Variants in DIP2B observed in about 807,000 individuals in gnomAD.
The protein encoded by DIP2B is DIP2 acetate--CoA ligase B (putative).
Under a neutral mutation model 198.0 loss-of-function variants are expected in DIP2B, and 76 were observed. That is an observed-to-expected ratio of 0.38 (90% CI 0.32 to 0.46). DIP2B has a LOEUF of 0.46. Ranked by LOEUF, DIP2B falls within the 20% of genes least tolerant of loss-of-function variation. DIP2B has a pLI of 0.99. For synonymous variants in DIP2B, 701 were observed against 739.1 expected (o/e 0.95, Z 0.84); for missense variants, 1,559 against 1,978.4 (o/e 0.79, Z 4.02).
Position 50,741,406 on chromosome 12 carries a change from T to G in DIP2B, c.4355-10T>G, listed in dbSNP as rs372698618. 3.7e-5 allele frequency: 60 copies of G among 1,613,098 alleles called. No individual in the cohort carries two copies. Among genetic ancestry groups the G allele is most frequent in the Admixed American group, 6.7e-5 (4 of 59,990 alleles). ...TCCAAGCCACATTTCTCTCTTTTTC[T>G]TTCTGTCAGAGCGTCATGATGCATT... On this transcript the variant is annotated splice_polypyrimidine_tract_variant and intron_variant, in intron 36 of 37. Coordinates refer to ENST00000301180, the MANE Select transcript of DIP2B (RefSeq NM_173602.3).
chr12:50,528,862 C>G (rs1483566771), intron 1 of DIP2B, among the ~76,000 whole-genome samples: 1 of 152,046 alleles, frequency 6.6e-6, no homozygotes. Context: ...TTGCTGCAAA[C>G]AAAAGAATGG....
Position 50,716,958 on chromosome 12 carries a change from C to CTTTTTTTTTTTTTTTTTTTTTTTTTTTT in DIP2B, c.2852-1728_2852-1727insTTTTTTTTTTTTTTTTTTTTTTTTTTTT, listed in dbSNP as rs4026694. Among the ~76,000 whole-genome samples, 67 of 58,936 alleles carry CTTTTTTTTTTTTTTTTTTTTTTTTTTTT rather than the reference C, an allele frequency of 1.1e-3. 17 individuals carry two copies. Among genetic ancestry groups the CTTTTTTTTTTTTTTTTTTTTTTTTTTTT allele is most frequent in the East Asian group, 2.3e-3 (3 of 1,298 alleles). The allele number at this position is 58,936 out of a possible 152,430, so 38.7% of individuals were successfully genotyped here. A position where few individuals can be genotyped will look rare whatever the true frequency, so the allele number is the denominator to read the frequency against. On this transcript the variant is annotated intron_variant, in intron 23 of 37. Transcript: ENST00000301180. The stretch of plus-strand genomic sequence containing the variant: ...CCTATCCTAGATTTACGAATTGTTG[C>CTTTTTTTTTTTTTTTTTTTTTTTTTTTT]TTTTTTTTTTTTTTTTTTTTTTTGA...
At chr12:50,588,297 A>T (rs535672108) in intron 1 of DIP2B, among the ~76,000 whole-genome samples, 1 of 152,102 alleles carries the variant, frequency 6.6e-6, no homozygotes, top group African/African-American at 2.4e-5. Flanking sequence ...GATTACAGGC[A>T]TGTGCTACCA....
At chr12:50,706,928 A>T (rs1939524375) in intron 21 of DIP2B, among the ~76,000 whole-genome samples, 1 of 152,082 alleles carries the variant, frequency 6.6e-6, no homozygotes, top group African/African-American at 2.4e-5. Flanking sequence ...TTAACTTCAG[A>T]TTTGTTGAAT....
chr12:50,571,548 GT>G (rs71083600), intron 1 of DIP2B, among the ~76,000 whole-genome samples: 1,325 of 85,740 alleles, frequency 0.015, 13 homozygotes, highest in African/African-American at 0.062. Flanking sequence ...AAACCTAGGC[GT>G]TTTTTTTTTT....
rs1233108681 is a variant in DIP2B, at chr12:50,678,791, G to T, written c.1029G>T (p.Leu343=). The change falls in exon 8 of 38, where the codon CTG becomes CTT. Residue 343 remains leucine, a synonymous_variant. Transcript: ENST00000301180. Reference sequence around the variant, plus strand: ...GGCCTCCTGCTCTTGAATCTGCCCTGCAGCGCTGGGGTACCACTCAAGCAA... The same window carrying T: ...GGCCTCCTGCTCTTGAATCTGCCCTTCAGCGCTGGGGTACCACTCAAGCAA... The part of the protein sequence containing the change: ...CNWPPALESA[L]QRWGTTQAKC... 1 of 1,614,072 alleles carries T rather than the reference G, an allele frequency of 6.2e-7. No homozygotes were observed. The highest frequency in any genetic ancestry group is 8.5e-7 in the Non-Finnish European group (1 of 1,180,040).
chr12:50,574,291 C>A (rs1958639308), intron 1 of DIP2B, among the ~76,000 whole-genome samples: 1 of 152,132 alleles, frequency 6.6e-6, no homozygotes, highest in Non-Finnish European at 1.5e-5. Flanking sequence ...TAAATAGCAC[C>A]TCTCTTCTCC....
At position 50,544,784 on chromosome 12, in the gene DIP2B, A is replaced by AT. The variant is rs551393375; in HGVS notation, c.100+39550dup. Among the ~76,000 whole-genome samples, 1,203 of 151,666 alleles carry AT rather than the reference A, an allele frequency of 7.9e-3. 4 individuals are homozygous for AT. The highest frequency in any genetic ancestry group is 0.011 in the Non-Finnish European group (766 of 67,928). On this transcript the variant is annotated intron_variant, in intron 1 of 37. Transcript: ENST00000301180. ...AGGTGCGTGCCACCACGCCCGGCTAATTTTTTGTATTTTTAGTAGAGAAGG... is the reference window on the plus strand; with the variant it reads ...AGGTGCGTGCCACCACGCCCGGCTAATTTTTTTGTATTTTTAGTAGAGAAGG...
chr12:50,696,056 C>T, intron 16 of DIP2B, 89 bp downstream of exon 16: 1 of 1,548,580 alleles, frequency 6.5e-7, no homozygotes, highest in Non-Finnish European at 8.8e-7. Flanking sequence ...AATTCACATA[C>T]TGAAAAACTC....
chr12:50,638,034 C>T (rs10876074), intron 2 of DIP2B, among the ~76,000 whole-genome samples: 17 of 151,978 alleles, frequency 1.1e-4, no homozygotes, highest in Admixed American at 3.3e-4. Flanking sequence ...TTTATTGTTA[C>T]TAAACCTTTT....
In DIP2B at chr12:50,513,873, CA is replaced by C. The variant is rs58479646; in HGVS notation, c.100+8649del. Among the ~76,000 whole-genome samples the C allele has an allele frequency of 3.1e-3, 400 of 127,072 alleles. 1 individual carries two copies. Among genetic ancestry groups the C allele is most frequent in the African/African-American group, 8.7e-3 (289 of 33,098 alleles). The allele number at this position is 127,072 out of a possible 152,430, so 83.4% of individuals were successfully genotyped here. On this transcript the variant is annotated intron_variant, in intron 1 of 37. Coordinates refer to ENST00000301180, the MANE Select transcript of DIP2B (RefSeq NM_173602.3). ...TGGGAGATAGAGTGGGACTCCGTCTCAAAAAAAAAAAAAAAAGTGTTCTTGA... is the reference window on the plus strand; with the variant it reads ...TGGGAGATAGAGTGGGACTCCGTCTCAAAAAAAAAAAAAAAGTGTTCTTGA...
At chr12:50,553,200 AGTTTTCCCAGAACCATTTGTT>A (rs1958442016) in intron 1 of DIP2B, among the ~76,000 whole-genome samples, 1 of 152,222 alleles carries the variant, frequency 6.6e-6, no homozygotes, top group Non-Finnish European at 1.5e-5. Flanking sequence ...GTGGATGTCC[AGTTTTCCCAGAACCATTTGTT>A]GAAGAGACTG....
At chr12:50,618,174 T>A (rs1372505761) in intron 1 of DIP2B, among the ~76,000 whole-genome samples, 1 of 152,202 alleles carries the variant, frequency 6.6e-6, no homozygotes, top group Non-Finnish European at 1.5e-5. Context: ...TTTTGAAAAG[T>A]TAAAGAATAA....
At chr12:50,615,043 C>T (rs1249086480) in intron 1 of DIP2B, among the ~76,000 whole-genome samples, 1 of 152,138 alleles carries the variant, frequency 6.6e-6, no homozygotes, top group East Asian at 1.9e-4. Flanking sequence ...GCACATGCAC[C>T]ATTTAATTCA....
chr12:50,574,458 C>G (rs183266717), intron 1 of DIP2B, among the ~76,000 whole-genome samples: 3 of 152,320 alleles, frequency 2.0e-5, no homozygotes, highest in African/African-American at 7.2e-5. Flanking sequence ...CAGACCTACC[C>G]CGTGGGCACA....
chr12:50,665,797 T>C (rs947392242), intron 4 of DIP2B, among the ~76,000 whole-genome samples: 30 of 151,596 alleles, frequency 2.0e-4, no homozygotes, highest in Non-Finnish European at 2.5e-4. Flanking sequence ...AAAAAATTCC[T>C]CTTTCCCTAA....
At chr12:50,549,973 C>T (rs996020134) in intron 1 of DIP2B, among the ~76,000 whole-genome samples, 2 of 151,972 alleles carry the variant, frequency 1.3e-5, no homozygotes, top group Non-Finnish European at 2.9e-5. Context: ...TGGAAATTTT[C>T]TTAACCCTCT....
chr12:50,642,188 T>A (rs923387796), intron 3 of DIP2B, among the ~76,000 whole-genome samples: 1 of 152,080 alleles, frequency 6.6e-6, no homozygotes, highest in Admixed American at 6.6e-5. Context: ...TAGGAGAGGC[T>A]TGCTCAGAGA....
chr12:50,598,203 A>C (rs1198226534), intron 1 of DIP2B, among the ~76,000 whole-genome samples: 1 of 152,220 alleles, frequency 6.6e-6, no homozygotes, highest in East Asian at 1.9e-4. Context: ...GATCATTTAT[A>C]AAAACTGGGT....
Sources: allele counts gnomAD v4.1 joint callset (sites outside exome capture counted in the v4.1 genomes callset), GRCh38; gene constraint gnomAD v4.1.1; transcripts MANE v1.5; gene names NCBI Gene and HGNC (gene_info 2026-07-23, HGNC 2026-07-21).